Variants in PLSCR2 observed in about 807,000 individuals in gnomAD.
The protein encoded by PLSCR2 is phospholipid scramblase 2, also known as PL scramblase 2.
A neutral mutation model predicts 25.3 loss-of-function variants in PLSCR2; 18 were observed. The observed-to-expected ratio is 0.71, with a 90% CI of 0.49 to 1.06. The LOEUF is 1.06. PLSCR2 is among the 50% of genes least tolerant of loss of function. The pLI is 0.00. For synonymous variants in PLSCR2, 88 were observed against 87.3 expected (o/e 1.01, Z -0.04); for missense variants, 243 against 269.5 (o/e 0.90, Z 0.69).
chr3:146,419,499 G>C (rs2108068843), intron 2 of PLSCR2, among the ~76,000 whole-genome samples: 1 of 152,172 alleles, frequency 6.6e-6, no homozygotes, highest in South Asian at 2.1e-4. Context: ...ACCAAAACCT[G>C]TATTAATTTC....
chr3:146,425,150 T>C (rs939001791), intron 2 of PLSCR2, among the ~76,000 whole-genome samples: 8 of 152,076 alleles, frequency 5.3e-5, no homozygotes, highest in Non-Finnish European at 8.8e-5. Context: ...ACGTTAAATA[T>C]GTTGCACCAG....
chr3:146,408,546 G>C (rs2038732849), intron 2 of PLSCR2, among the ~76,000 whole-genome samples: 1 of 152,004 alleles, frequency 6.6e-6, no homozygotes, highest in African/African-American at 2.4e-5. Flanking sequence ...TCGATTGTCA[G>C]AAACCTTTTG....
chr3:146,493,937 C>T (rs1047592720), intron 1 of PLSCR2, among the ~76,000 whole-genome samples: 2 of 151,926 alleles, frequency 1.3e-5, no homozygotes, highest in Admixed American at 6.6e-5. Context: ...ATGACATACA[C>T]ATCTTTAGGT....
In PLSCR2 at chr3:146,446,379, C is replaced by T. The variant is rs901055138; in HGVS notation, c.645+2827G>A. On this transcript the variant is annotated intron_variant, in intron 6 of 6. Coordinates refer to ENST00000610787, the Ensembl canonical transcript of PLSCR2. The stretch of plus-strand genomic sequence containing the variant: ...GCAGCCACATATACTTTAGTGGATA[C>T]CCCAAGCCTAGTAATGCTGTGGCTC... Among the ~76,000 whole-genome samples, 5 of 152,262 alleles carry T rather than the reference C, an allele frequency of 3.3e-5. No homozygotes were observed. The East Asian group carries it at 7.7e-4, about 24-fold the overall frequency.
chr3:146,420,673 AT>A (rs2039118536), intron 2 of PLSCR2, among the ~76,000 whole-genome samples: 1 of 152,110 alleles, frequency 6.6e-6, no homozygotes, highest in East Asian at 1.9e-4. Flanking sequence ...AATACAAACA[AT>A]TTTTAAATAT....
At chr3:146,492,914 T>G (rs910486302) in intron 1 of PLSCR2, among the ~76,000 whole-genome samples, 12 of 151,070 alleles carry the variant, frequency 7.9e-5, no homozygotes, top group South Asian at 2.1e-4. Flanking sequence ...ACTAGCTAGA[T>G]GAATAAAGAA....
chr3:146,471,648 A>G (rs2042124992), intron 1 of PLSCR2, among the ~76,000 whole-genome samples: 1 of 147,982 alleles, frequency 6.8e-6, no homozygotes, highest in South Asian at 2.1e-4. Flanking sequence ...CTCACTGCAC[A>G]CTCCACCCTC....
At chr3:146,435,526 T>C (rs1410530750) in intron 8 of PLSCR2, among the ~76,000 whole-genome samples, 2 of 152,244 alleles carry the variant, frequency 1.3e-5, no homozygotes, top group African/African-American at 2.4e-5. Context: ...TGGCCAGAGA[T>C]GATGAGCATT....
chr3:146,397,032 G>T (rs2038298380), intron 2 of PLSCR2, among the ~76,000 whole-genome samples: 1 of 152,058 alleles, frequency 6.6e-6, no homozygotes, highest in African/African-American at 2.4e-5. Flanking sequence ...TCTATATGAA[G>T]CTAGTTCTCT....
chr3:146,416,235 C>G (rs1202298794), intron 2 of PLSCR2, among the ~76,000 whole-genome samples: 1 of 152,048 alleles, frequency 6.6e-6, no homozygotes, highest in East Asian at 1.9e-4. Flanking sequence ...CAGGCGTGAG[C>G]CACTGCATCT....
At chr3:146,425,767 T>C (rs934679568) in intron 2 of PLSCR2, among the ~76,000 whole-genome samples, 9 of 152,136 alleles carry the variant, frequency 5.9e-5, no homozygotes, top group African/African-American at 1.9e-4. Flanking sequence ...AGACTGATGA[T>C]AGAAATATGG....
chr3:146,405,550 G>A (rs1399797435), intron 2 of PLSCR2, among the ~76,000 whole-genome samples: 2 of 152,122 alleles, frequency 1.3e-5, no homozygotes, highest in Non-Finnish European at 2.9e-5. Flanking sequence ...TAAAAACAAG[G>A]TTAGGCATTA....
At chr3:146,411,584 A>G (rs529883070) in intron 2 of PLSCR2, among the ~76,000 whole-genome samples, 1 of 152,304 alleles carries the variant, frequency 6.6e-6, no homozygotes, top group South Asian at 2.1e-4. Context: ...GGTGGCATTA[A>G]TATCTCACTG....
At chr3:146,399,929 C>G (rs1489215244) in intron 2 of PLSCR2, among the ~76,000 whole-genome samples, 1 of 151,620 alleles carries the variant, frequency 6.6e-6, no homozygotes, top group Non-Finnish European at 1.5e-5. Context: ...GTTTGTAAAT[C>G]TCCCCAAAAA....
At chr3:146,458,307 C>T in intron 3 of PLSCR2, 104 bp downstream of exon 3, 5 of 955,072 alleles carry the variant, frequency 5.2e-6, no homozygotes, top group South Asian at 3.7e-5. Context: ...TCAGTTTTAC[C>T]ATCCCACATC....
At chr3:146,396,753 C>CCT (rs2038287495) in intron 2 of PLSCR2, among the ~76,000 whole-genome samples, 1 of 152,102 alleles carries the variant, frequency 6.6e-6, no homozygotes, top group Non-Finnish European at 1.5e-5. Context: ...GTTAGCAGGG[C>CCT]TGCTCATAAC....
intron 2 of PLSCR2, among the ~76,000 whole-genome samples, chr3:146,408,677 G>A (rs1246631517): frequency 6.6e-6 from 1 of 152,056 alleles, no homozygotes; most frequent in East Asian, 1.9e-4. Context: ...GGCTATTTTC[G>A]GGGGCTCCCA....
intron 2 of PLSCR2, among the ~76,000 whole-genome samples, chr3:146,402,310 T>G (rs2038501490): frequency 6.6e-6 from 1 of 152,186 alleles, no homozygotes; most frequent in South Asian, 2.1e-4. Context: ...TTAAAAATGA[T>G]TTTTTAAAAA....
chr3:146,461,959 A>G (rs2041601792), upstream of PLSCR2: 1 of 562,268 alleles, frequency 1.8e-6, no homozygotes, highest in Non-Finnish European at 2.4e-6. Flanking sequence ...TTCATAAGCT[A>G]AAAAAAAAAA....
Sources: allele counts gnomAD v4.1 joint callset (sites outside exome capture counted in the v4.1 genomes callset), GRCh38; gene constraint gnomAD v4.1.1; transcripts MANE v1.5; gene names NCBI Gene and HGNC (gene_info 2026-07-23, HGNC 2026-07-21).